IMPG1: variants seen among roughly 807,000 people sequenced by gnomAD.
The protein encoded by IMPG1 is interphotoreceptor matrix proteoglycan of 150 kDa.
Under a neutral mutation model 92.0 loss-of-function variants are expected in IMPG1, and 85 were observed. The ratio of observed to expected loss-of-function variants is 0.92; its 90% confidence interval spans 0.78 to 1.11. IMPG1 has a LOEUF of 1.11. Ranked by LOEUF, IMPG1 falls within the 50% of genes least tolerant of loss-of-function variation. The pLI is 0.00. For synonymous variants in IMPG1, 367 were observed against 334.1 expected, an observed-to-expected ratio of 1.10 and a Z score of -1.08; for missense variants, 1,022 against 956.0, an observed-to-expected ratio of 1.07 and a Z score of -0.91.
chr6:76,052,408 C>A (rs1430824745), intron 1 of IMPG1, among the ~76,000 whole-genome samples: 5 of 152,176 alleles, frequency 3.3e-5, no homozygotes, highest in Non-Finnish European at 7.3e-5. Context: ...GTACACACTG[C>A]CTCCATTTAA....
At chr6:76,006,555 T>TAC (rs1293554951) in intron 9 of IMPG1, among the ~76,000 whole-genome samples, 1 of 150,808 alleles carries the variant, frequency 6.6e-6, no homozygotes, top group African/African-American at 2.4e-5. Flanking sequence ...TGTGTATATA[T>TAC]ATATATACAT....
intron 4 of IMPG1, among the ~76,000 whole-genome samples, chr6:76,030,358 A>G (rs1783632728): frequency 6.6e-6 from 1 of 152,138 alleles, no homozygotes; most frequent in African/African-American, 2.4e-5. Context: ...TATGTTAGGA[A>G]GAGAAGGAAA....
At chr6:76,046,370 A>C (rs1394172152) in intron 1 of IMPG1, among the ~76,000 whole-genome samples, 1 of 152,202 alleles carries the variant, frequency 6.6e-6, no homozygotes, top group African/African-American at 2.4e-5. Flanking sequence ...CTTTAAGCCA[A>C]TAGGTTTTGG....
At position 75,974,367 on chromosome 6, in the gene IMPG1, C is replaced by CT. The variant is rs1367158053; in HGVS notation, c.1292-23274dup. On this transcript the variant is annotated intron_variant, in intron 12 of 16. Coordinates refer to ENST00000369950, the MANE Select transcript of IMPG1 (RefSeq NM_001563.4). ...TCTTTCTTTCTTTCTTTCTTTCTTT[C>CT]TTTCTTTCTTTCTTTCTTTCTTTCT... Among the ~76,000 whole-genome samples, 186 of 92,300 alleles carry CT rather than the reference C, an allele frequency of 2.0e-3. 3 individuals carry two copies. The highest frequency in any genetic ancestry group is 2.7e-3 in the Non-Finnish European group (116 of 42,802). 60.6% of individuals were successfully genotyped at this position (92,300 alleles called of 152,430 possible). A position where few individuals can be genotyped will look rare whatever the true frequency, so the allele number is the denominator to read the frequency against.
At chr6:76,014,816 TGGCTTGGGTGGAAG>T (rs1324469194) in intron 7 of IMPG1, among the ~76,000 whole-genome samples, 1 of 152,170 alleles carries the variant, frequency 6.6e-6, no homozygotes, top group Admixed American at 6.5e-5. Context: ...TCCATGGCAT[TGGCTTGGGTGGAAG>T]GGATTTATTG....
At chr6:75,939,930 G>A (rs1004245718) in intron 14 of IMPG1, among the ~76,000 whole-genome samples, 1 of 152,128 alleles carries the variant, frequency 6.6e-6, no homozygotes, top group Non-Finnish European at 1.5e-5. Context: ...TGGCCTCTCT[G>A]CCCTTGCTAT....
intron 16 of IMPG1, among the ~76,000 whole-genome samples, chr6:75,922,662 G>A (rs116308750): frequency 3.5e-4 from 53 of 152,174 alleles, no homozygotes; most frequent in African/African-American, 1.3e-3. Flanking sequence ...ATTCTATCTG[G>A]TACTTCGGGA....
intron 12 of IMPG1, among the ~76,000 whole-genome samples, chr6:75,966,596 A>G (rs552621466): frequency 6.6e-6 from 1 of 152,328 alleles, no homozygotes; most frequent in South Asian, 2.1e-4. Context: ...TATTTTCTTT[A>G]TAAATTACCC....
chr6:76,025,562 G>A (rs1398961814), intron 4 of IMPG1, among the ~76,000 whole-genome samples: 1 of 152,118 alleles, frequency 6.6e-6, no homozygotes, highest in African/African-American at 2.4e-5. Context: ...TAATGTTGTA[G>A]TTCCATTCCA....
At chr6:75,935,151 A>C in intron 14 of IMPG1, 1 of 396,148 alleles carries the variant, frequency 2.5e-6, no homozygotes. Context: ...CATTTTAAGC[A>C]CCCCAGCTGA....
chr6:76,012,942 A>C (rs1582103855), intron 7 of IMPG1, among the ~76,000 whole-genome samples: 1 of 147,272 alleles, frequency 6.8e-6, no homozygotes, highest in Admixed American at 6.8e-5. Context: ...CTTCCCTCCC[A>C]CCCCCCACAT....
intron 16 of IMPG1, among the ~76,000 whole-genome samples, chr6:75,923,401 A>T (rs908233918): frequency 2.6e-5 from 4 of 152,130 alleles, no homozygotes; most frequent in Non-Finnish European, 5.9e-5. Context: ...TGGAAATATT[A>T]TAAAATACTT....
chr6:76,044,647 A>G (rs187268369), intron 1 of IMPG1, among the ~76,000 whole-genome samples: 8 of 151,454 alleles, frequency 5.3e-5, no homozygotes, highest in Admixed American at 3.9e-4. Flanking sequence ...ATTTTTTTCC[A>G]GGTGGATCCT....
intron 7 of IMPG1, among the ~76,000 whole-genome samples, chr6:76,013,096 T>C (rs1030167927): frequency 5.3e-5 from 8 of 152,240 alleles, no homozygotes; most frequent in African/African-American, 1.9e-4. Context: ...AGAGAAGAAA[T>C]GGTTTTCTGG....
intron 4 of IMPG1, among the ~76,000 whole-genome samples, chr6:76,031,477 A>C (rs1214364880): frequency 6.6e-6 from 1 of 152,242 alleles, no homozygotes; most frequent in Non-Finnish European, 1.5e-5. Context: ...CAATCAGAAC[A>C]GATGTTAGTT....
At chr6:76,052,247 T>A (rs59422271) in intron 1 of IMPG1, among the ~76,000 whole-genome samples, 2,466 of 152,266 alleles carry the variant, frequency 0.016, 66 homozygotes, top group African/African-American at 0.056. Context: ...TGTTTTCAAC[T>A]GTACCCAGAA....
At chr6:75,952,293 A>G (rs776798063) in intron 12 of IMPG1, among the ~76,000 whole-genome samples, 1 of 152,188 alleles carries the variant, frequency 6.6e-6, no homozygotes, top group African/African-American at 2.4e-5. Context: ...TTGAAATCCA[A>G]ATGCTAAGCA....
chr6:75,972,441 CT>C (rs1389437980), intron 12 of IMPG1, among the ~76,000 whole-genome samples: 1 of 151,650 alleles, frequency 6.6e-6, no homozygotes, highest in Non-Finnish European at 1.5e-5. Flanking sequence ...CCTCTCTCCC[CT>C]TTTTTTTGTT....
chr6:76,023,602 G>C (rs1783472107), intron 5 of IMPG1, among the ~76,000 whole-genome samples: 1 of 152,088 alleles, frequency 6.6e-6, no homozygotes, highest in Admixed American at 6.5e-5. Context: ...AATCTTAACT[G>C]TTCTGTGTGT....
Sources: allele counts gnomAD v4.1 joint callset (sites outside exome capture counted in the v4.1 genomes callset), GRCh38; gene constraint gnomAD v4.1.1; transcripts MANE v1.5; gene names NCBI Gene and HGNC (gene_info 2026-07-23, HGNC 2026-07-21).